The following CA10 variants were observed in gnomAD, a reference collection of about 807,000 sequenced individuals.
The protein encoded by CA10 is carbonic anhydrase 10 (inactive), also known as carbonic anhydrase-related protein 10.
Under a neutral mutation model 44.2 loss-of-function variants are expected in CA10, and 14 were observed. That is an observed-to-expected ratio of 0.32 (90% confidence interval 0.21 to 0.50). The LOEUF (loss-of-function observed/expected upper bound fraction) is 0.50. CA10 is among the 20% of genes least tolerant of loss of function. The probability of loss-of-function intolerance (pLI) is 0.99; values close to 1 mark genes in which losing one functional copy is unlikely to be tolerated. For missense variants in CA10, 350 were observed against 409.7 expected, an observed-to-expected ratio of 0.85 and a Z score of 1.26; for synonymous variants, 159 against 141.6, an observed-to-expected ratio of 1.12 and a Z score of -0.87.
intron 3 of CA10, among the ~76,000 whole-genome samples, chr17:51,847,108 T>C (rs1428407153): frequency 6.6e-6 from 1 of 152,210 alleles, no homozygotes. Flanking sequence ...ATAGATTTTC[T>C]TTAAATAGAG....
chr17:51,929,503 T>C (rs1271946093), intron 3 of CA10, among the ~76,000 whole-genome samples: 2 of 152,296 alleles, frequency 1.3e-5, no homozygotes, highest in Non-Finnish European at 2.9e-5. Flanking sequence ...TTCAGCTGCA[T>C]TCTGGAACTC....
chr17:52,022,470 A>T (rs369169516), intron 2 of CA10, among the ~76,000 whole-genome samples: 3 of 152,060 alleles, frequency 2.0e-5, no homozygotes, highest in South Asian at 2.1e-4. Flanking sequence ...TATTGGCACC[A>T]TCTGTGACAA....
chr17:52,159,563 C>T (rs1341853587), upstream of CA10: 2 of 152,404 alleles, frequency 1.3e-5, no homozygotes, highest in Non-Finnish European at 2.9e-5. Context: ...CCGCCAACGA[C>T]ACTCAGCAGC....
chr17:51,652,251 T>C (rs751065201), intron 5 of CA10, among the ~76,000 whole-genome samples: 1 of 152,196 alleles, frequency 6.6e-6, no homozygotes, highest in Non-Finnish European at 1.5e-5. Flanking sequence ...ACAACACGAA[T>C]GTTCAACCTC....
At chr17:52,000,467 C>T (rs996365077) in intron 2 of CA10, among the ~76,000 whole-genome samples, 1 of 152,084 alleles carries the variant, frequency 6.6e-6, no homozygotes, top group Non-Finnish European at 1.5e-5. Flanking sequence ...GCTAGGCACA[C>T]AGTCATGAAT....
intron 2 of CA10, among the ~76,000 whole-genome samples, chr17:51,932,586 A>C (rs528122458): frequency 6.6e-6 from 1 of 152,168 alleles, no homozygotes; most frequent in African/African-American, 2.4e-5. Context: ...ATCCATGCCA[A>C]TAAGCCTCTG....
At chr17:51,698,259 G>A (rs926268450) in intron 4 of CA10, among the ~76,000 whole-genome samples, 1 of 152,182 alleles carries the variant, frequency 6.6e-6, no homozygotes, top group African/African-American at 2.4e-5. Context: ...CCTTCCGTCT[G>A]GCTGGCTCAT....
At chr17:52,146,301 T>C (rs1989582175) in intron 1 of CA10, among the ~76,000 whole-genome samples, 2 of 152,206 alleles carry the variant, frequency 1.3e-5, no homozygotes, top group South Asian at 4.1e-4. Flanking sequence ...GGTTCACGCC[T>C]GTAATCCCAC....
intron 2 of CA10, among the ~76,000 whole-genome samples, chr17:51,979,661 T>C (rs1984584847): frequency 6.6e-6 from 1 of 152,194 alleles, no homozygotes; most frequent in African/African-American, 2.4e-5. Context: ...ATGTCTAGAA[T>C]ACCCCTTCTC....
intron 2 of CA10, among the ~76,000 whole-genome samples, chr17:51,934,729 G>T (rs1982795627): frequency 6.6e-6 from 1 of 152,078 alleles, no homozygotes; most frequent in African/African-American, 2.4e-5. Flanking sequence ...CTGCTCCAGG[G>T]ATAGTTCCTG....
At chr17:51,872,546 G>A (rs1979866934) in intron 3 of CA10, among the ~76,000 whole-genome samples, 3 of 152,114 alleles carry the variant, frequency 2.0e-5, no homozygotes, top group Admixed American at 2.0e-4. Context: ...GAGATTTCCA[G>A]TGTTTAGACA....
chr17:51,926,683 C>T (rs984519169), intron 3 of CA10, among the ~76,000 whole-genome samples: 1 of 152,182 alleles, frequency 6.6e-6, no homozygotes, highest in Non-Finnish European at 1.5e-5. Flanking sequence ...ATCCTCACGT[C>T]TCTGTTCTGA....
rs1221085735 is a variant in CA10 at position 51,741,804 on chromosome 17, G to A, written c.465+5829C>T. ...GTCCAGACAATGTATGAGGTGTTGG[G>A]AACACAGCAATGATCAATATAAAAT... On this transcript the variant is annotated intron_variant, in intron 4 of 8. Coordinates refer to ENST00000451037, the MANE Select transcript of CA10 (RefSeq NM_020178.5). Among the ~76,000 whole-genome samples the A allele has an allele frequency of 2.0e-5, 3 of 152,124 alleles. No individual in the cohort carries two copies. In the East Asian group the frequency reaches 5.8e-4, roughly 29 times the overall value.
At chr17:51,809,544 T>A (rs1907274514) in intron 3 of CA10, among the ~76,000 whole-genome samples, 1 of 152,166 alleles carries the variant, frequency 6.6e-6, no homozygotes, top group Non-Finnish European at 1.5e-5. Flanking sequence ...ACTAACATGC[T>A]CTTTGTAGCA....
At chr17:51,762,066 G>A (rs953396986) in intron 3 of CA10, 1 of 152,172 alleles carries the variant, frequency 6.6e-6, no homozygotes, top group Non-Finnish European at 1.5e-5. Context: ...CTATATGGCT[G>A]CAACTATGCA....
chr17:51,741,041 C>T (rs1056755924), intron 4 of CA10, among the ~76,000 whole-genome samples: 18 of 152,314 alleles, frequency 1.2e-4, no homozygotes, highest in African/African-American at 3.4e-4. Flanking sequence ...TACAGGTAGA[C>T]ATTTTTATTT....
At chr17:51,763,500 T>C (rs941901236) in intron 3 of CA10, 14 of 152,138 alleles carry the variant, frequency 9.2e-5, no homozygotes, top group African/African-American at 3.1e-4. Context: ...TGTGCTCCTG[T>C]TTTCTATACA....
intron 5 of CA10, among the ~76,000 whole-genome samples, chr17:51,651,764 A>G (rs1367329853): frequency 3.3e-5 from 5 of 152,222 alleles, no homozygotes; most frequent in African/African-American, 9.6e-5. Flanking sequence ...GTTTTCAGAC[A>G]CATGAGGTAA....
chr17:51,831,734 A>AGC (rs1555604086), intron 3 of CA10, among the ~76,000 whole-genome samples: 2 of 145,896 alleles, frequency 1.4e-5, no homozygotes, highest in South Asian at 2.3e-4. Flanking sequence ...CAGCAGCAGA[A>AGC]AAAGACCTTC....
Sources: gnomAD v4.1 joint callset for allele counts (sites outside exome capture counted in the v4.1 genomes callset) on GRCh38, gnomAD v4.1.1 for gene constraint, MANE v1.5 for transcripts, NCBI Gene and HGNC (gene_info 2026-07-23, HGNC 2026-07-21) for gene names.